SLC14A2: variants seen among roughly 807,000 people sequenced by gnomAD.
SLC14A2 encodes the protein solute carrier family 14 member 2, also known as urea transporter 2.
In SLC14A2, 91 loss-of-function variants were observed where a neutral mutation model predicts 104.6. That is an observed-to-expected ratio of 0.87 (90% CI 0.73 to 1.04). The LOEUF (loss-of-function observed/expected upper bound fraction) is 1.04, where lower values mean the gene tolerates loss of function less well. Ranked by LOEUF, SLC14A2 falls within the 50% of genes least tolerant of loss-of-function variation. The pLI, the probability that SLC14A2 is intolerant of heterozygous loss-of-function variation, is 0.00. For missense variants in SLC14A2, 1,189 were observed against 1,156.0 expected (o/e 1.03, Z -0.41); for synonymous variants, 476 against 466.4 (o/e 1.02, Z -0.27).
At chr18:45,528,680 C>A (rs2043635486) in intron 2 of SLC14A2, 1 of 151,972 alleles carries the variant, frequency 6.6e-6, no homozygotes, top group Non-Finnish European at 1.5e-5. Flanking sequence ...CACAGATGAA[C>A]AAGCCCTGAT....
chr18:45,402,378 A>G (rs1476432680), intron 1 of SLC14A2, among the ~76,000 whole-genome samples: 1 of 152,260 alleles, frequency 6.6e-6, no homozygotes, highest in Non-Finnish European at 1.5e-5. Flanking sequence ...AAAAGAACAC[A>G]AAAGACGCTA....
chr18:45,586,699 G>C (rs1234934489), intron 2 of SLC14A2, among the ~76,000 whole-genome samples: 1 of 152,050 alleles, frequency 6.6e-6, no homozygotes, highest in Non-Finnish European at 1.5e-5. Flanking sequence ...TTCCATCAGA[G>C]TCCACAGGTC....
intron 19 of SLC14A2, 23 bp downstream of exon 19, chr18:45,679,047 C>T (rs372276764): frequency 1.3e-4 from 215 of 1,608,194 alleles, no homozygotes; most frequent in Non-Finnish European, 1.7e-4. Context: ...AGGCTCAGAA[C>T]GTGCCTACAA....
chr18:45,569,605 G>C (rs1044497735), intron 2 of SLC14A2, among the ~76,000 whole-genome samples: 6 of 152,252 alleles, frequency 3.9e-5, no homozygotes, highest in African/African-American at 1.4e-4. Context: ...ATTTCAAGGA[G>C]AAAGTCCACC....
intron 1 of SLC14A2, among the ~76,000 whole-genome samples, chr18:45,295,091 A>G (rs1353065516): frequency 6.6e-6 from 1 of 152,210 alleles, no homozygotes; most frequent in Non-Finnish European, 1.5e-5. Flanking sequence ...GCTAATAAGA[A>G]AGCCTGCTCT....
chr18:45,422,388 A>T (rs566747939), intron 1 of SLC14A2, among the ~76,000 whole-genome samples: 1 of 152,320 alleles, frequency 6.6e-6, no homozygotes, highest in South Asian at 2.1e-4. Context: ...GAAGAGAGGC[A>T]AATTTGAGTC....
intron 1 of SLC14A2, among the ~76,000 whole-genome samples, chr18:45,390,615 A>G (rs894684180): frequency 2.0e-5 from 3 of 152,236 alleles, no homozygotes; most frequent in African/African-American, 7.2e-5. Context: ...AGATGCACAC[A>G]TAAGAGAGGG....
chr18:45,341,595 C>CTTTTTTT (rs376534367), intron 1 of SLC14A2, among the ~76,000 whole-genome samples: 33 of 83,154 alleles, frequency 4.0e-4, no homozygotes, highest in Non-Finnish European at 6.0e-4. Context: ...TCTAGTATTA[C>CTTTTTTT]TTTTTTTTTT....
intron 1 of SLC14A2, among the ~76,000 whole-genome samples, chr18:45,481,046 G>A (rs2087482953): frequency 6.6e-6 from 1 of 152,080 alleles, no homozygotes; most frequent in Admixed American, 6.6e-5. Context: ...AGTAAGCACT[G>A]GCAGGGTTGT....
intron 1 of SLC14A2, among the ~76,000 whole-genome samples, chr18:45,360,262 C>T (rs2085597259): frequency 6.6e-6 from 1 of 152,218 alleles, no homozygotes; most frequent in Admixed American, 6.5e-5. Context: ...TCGTGCATCC[C>T]TATGGACGCT....
rs1321917154 is a variant in SLC14A2, at chr18:45,414,751, AAAAAAAATATATATATATAT to A, written c.-124-68480_-124-68461del. 1.4e-4 allele frequency among the ~76,000 whole-genome samples: 10 copies of A among 70,892 alleles called. No homozygotes were observed. The East Asian group carries it at 2.8e-3, about 20-fold the overall frequency. The allele number at this position is 70,892 out of a possible 152,430, so 46.5% of individuals were successfully genotyped here. ...GGTGCAAGGCACCGAGCGTAAAAAA[AAAAAAAATATATATATATAT>A]ATATATATATATATATATATATATA... On this transcript the variant is annotated intron_variant, in intron 1 of 20. Coordinates refer to the SLC14A2 transcript ENST00000586448.
At position 45,607,974 on chromosome 18, in the gene SLC14A2, C is replaced by G. The variant is rs539704992; in HGVS notation, c.-34-16657C>G. Among the ~76,000 whole-genome samples the G allele has an allele frequency of 4.1e-4, 62 of 152,342 alleles. No homozygotes were observed. In the South Asian group the frequency reaches 0.012, roughly 29 times the overall value. On this transcript the variant is annotated intron_variant, in intron 2 of 20. Coordinates refer to the SLC14A2 transcript ENST00000586448. ...AGTGCCTCTCAGTCCTTGAAACAAC[C>G]AAAAGATTCTCTCCAATGCCTCCAT...
chr18:45,606,703 AC>A (rs1435205211), intron 2 of SLC14A2, among the ~76,000 whole-genome samples: 1 of 150,618 alleles, frequency 6.6e-6, no homozygotes, highest in Non-Finnish European at 1.5e-5. Context: ...TCTAAATTTT[AC>A]CTAAATGCCT....
At chr18:45,418,194 G>T (rs1165263508) in intron 1 of SLC14A2, among the ~76,000 whole-genome samples, 1 of 152,188 alleles carries the variant, frequency 6.6e-6, no homozygotes, top group African/African-American at 2.4e-5. Flanking sequence ...ACTGCTAGGT[G>T]TGTGGGGGGA....
chr18:45,660,673 A>T (rs940958089), intron 10 of SLC14A2, among the ~76,000 whole-genome samples: 1 of 152,194 alleles, frequency 6.6e-6, no homozygotes, highest in Non-Finnish European at 1.5e-5. Context: ...GCAAAACACC[A>T]TGCAGAAATT....
chr18:45,363,188 A>G (rs1011688690), intron 1 of SLC14A2, among the ~76,000 whole-genome samples: 1 of 152,146 alleles, frequency 6.6e-6, no homozygotes, highest in Non-Finnish European at 1.5e-5. Flanking sequence ...CCATTTTCTG[A>G]AAACTCCAGC....
the SLC14A2 span, among the ~76,000 whole-genome samples, chr18:45,186,452 A>G: frequency 6.6e-6 from 1 of 152,232 alleles, no homozygotes; most frequent in African/African-American, 2.4e-5. Context: ...ATTAACTCAG[A>G]GATTTAAATG....
intron 1 of SLC14A2, among the ~76,000 whole-genome samples, chr18:45,228,840 A>G (rs1490208031): frequency 6.6e-6 from 1 of 152,174 alleles, no homozygotes; most frequent in Non-Finnish European, 1.5e-5. Flanking sequence ...GGGAGGCTCC[A>G]GTGCATATGG....
At chr18:45,627,195 G>A in intron 4 of SLC14A2, 48 bp downstream of exon 4, 1 of 1,538,084 alleles carries the variant, frequency 6.5e-7, no homozygotes, top group Non-Finnish European at 9.0e-7. Context: ...GGAACAGAAA[G>A]TAGAGAGGTG....
Sources: gnomAD v4.1 joint callset for allele counts (sites outside exome capture counted in the v4.1 genomes callset) on GRCh38, gnomAD v4.1.1 for gene constraint, MANE v1.5 for transcripts, NCBI Gene and HGNC (gene_info 2026-07-23, HGNC 2026-07-21) for gene names.